Variants in DLG2 observed in about 807,000 individuals in gnomAD.
DLG2 encodes disks large homolog 2.
A neutral mutation model predicts 132.5 loss-of-function variants in DLG2; 45 were observed. That is an observed-to-expected ratio of 0.34 (90% CI 0.27 to 0.44). The LOEUF (loss-of-function observed/expected upper bound fraction) is 0.44, where lower values mean the gene tolerates loss of function less well. DLG2 is among the 20% of genes least tolerant of loss of function. DLG2 has a pLI of 1.00. For synonymous variants in DLG2, 424 were observed against 419.6 expected, an observed-to-expected ratio of 1.01 and a Z score of -0.13; for missense variants, 1,045 against 1,196.9, an observed-to-expected ratio of 0.87 and a Z score of 1.87.
In DLG2 at chr11:84,760,173, C is replaced by T. The variant is rs2067418575; in HGVS notation, c.358-225442G>A. Among the ~76,000 whole-genome samples the T allele has an allele frequency of 5.9e-5, 9 of 152,180 alleles. No individual in the cohort carries two copies. In the South Asian group the frequency reaches 1.9e-3, roughly 32 times the overall value. On this transcript the variant is annotated intron_variant, in intron 6 of 27. Transcript: ENST00000376104. ...TTAGATCAATAGTAGCCAACACAGT[C>T]CACTCATGCTCATATTAAGTTTCAT... is the stretch of plus-strand genomic sequence containing the variant.
At chr11:84,679,193 ATT>A (rs992936323) in intron 6 of DLG2, among the ~76,000 whole-genome samples, 1 of 152,090 alleles carries the variant, frequency 6.6e-6, no homozygotes, top group African/African-American at 2.4e-5. Context: ...TACAAAAAAT[ATT>A]TTGTCTCAGG....
At chr11:85,115,875 T>C (rs1042118888) in intron 5 of DLG2, among the ~76,000 whole-genome samples, 3 of 151,944 alleles carry the variant, frequency 2.0e-5, no homozygotes, top group African/African-American at 7.2e-5. Flanking sequence ...AGTTCAGCCT[T>C]TCCCTTTATC....
At chr11:85,012,481 G>A (rs896242329) in intron 6 of DLG2, among the ~76,000 whole-genome samples, 29 of 151,594 alleles carry the variant, frequency 1.9e-4, no homozygotes, top group Non-Finnish European at 3.1e-4. Context: ...CTGAGATCGC[G>A]CCATTGCACT....
chr11:83,744,105 C>A (rs1395108786), intron 18 of DLG2, among the ~76,000 whole-genome samples: 1 of 152,152 alleles, frequency 6.6e-6, no homozygotes. Context: ...TTTCTACTGT[C>A]AACCAAGCTT....
At chr11:85,288,131 T>C (rs1049425578) in intron 3 of DLG2, among the ~76,000 whole-genome samples, 20 of 152,196 alleles carry the variant, frequency 1.3e-4, no homozygotes, top group Non-Finnish European at 2.8e-4. Flanking sequence ...TGTTATGCTG[T>C]GTATATTATA....
chr11:83,717,186 T>C lies in DLG2; in HGVS notation c.1825+69504A>G, dbSNP rs541212697. Among the ~76,000 whole-genome samples the C allele has an allele frequency of 3.3e-5, 5 of 152,290 alleles. No individual in the cohort carries two copies. In the South Asian group the frequency reaches 1.0e-3, roughly 32 times the overall value. On this transcript the variant is annotated intron_variant, in intron 18 of 27. Transcript: ENST00000376104. Reference sequence around the variant, plus strand: ...AAGTCCTAGATTTTTCCTTTGAAGCTACAGAGAACATGATTTGCACACACT... The same window carrying C: ...AAGTCCTAGATTTTTCCTTTGAAGCCACAGAGAACATGATTTGCACACACT...
intron 12 of DLG2, among the ~76,000 whole-genome samples, chr11:83,966,122 A>G (rs181018283): frequency 6.6e-6 from 1 of 152,074 alleles, no homozygotes; most frequent in East Asian, 1.9e-4. Context: ...TTTCTTTGAT[A>G]CACATTTACC....
chr11:85,034,151 C>T lies in DLG2; in HGVS notation c.357+77510G>A, dbSNP rs1270515151. Among the ~76,000 whole-genome samples the T allele has an allele frequency of 2.0e-5, 3 of 151,120 alleles. 1 individual carries two copies. Among genetic ancestry groups the T allele is most frequent in the Non-Finnish European group, 4.4e-5 (3 of 67,890 alleles). ...AGAGTGCAGTGGCGCAATTTCGGCTCACTGCAAGCTCCACCTCCCAGGTTC... is the reference window on the plus strand; with the variant it reads ...AGAGTGCAGTGGCGCAATTTCGGCTTACTGCAAGCTCCACCTCCCAGGTTC... On this transcript the variant is annotated intron_variant, in intron 6 of 27. Coordinates refer to ENST00000376104, the MANE Select transcript of DLG2 (RefSeq NM_001142699.3).
chr11:83,532,066 G>A (rs2095762516), intron 21 of DLG2, among the ~76,000 whole-genome samples: 1 of 152,066 alleles, frequency 6.6e-6, no homozygotes, highest in Non-Finnish European at 1.5e-5. Flanking sequence ...CTCTAAAATT[G>A]ATTGTGGTGA....
intron 3 of DLG2, among the ~76,000 whole-genome samples, chr11:85,404,062 C>T (rs1475834050): frequency 3.3e-5 from 5 of 151,914 alleles, no homozygotes; most frequent in South Asian, 4.1e-4. Flanking sequence ...TAGAGGGAAA[C>T]TTAACAAGCT....
At chr11:84,278,854 G>C (rs1430088142) in intron 7 of DLG2, among the ~76,000 whole-genome samples, 2 of 151,816 alleles carry the variant, frequency 1.3e-5, no homozygotes, top group Non-Finnish European at 2.9e-5. Flanking sequence ...TGGGGTACAT[G>C]TGCAGAACAT....
chr11:84,411,849 C>G (rs1190987835), intron 7 of DLG2, among the ~76,000 whole-genome samples: 1 of 152,168 alleles, frequency 6.6e-6, no homozygotes. Flanking sequence ...AATGAACAAA[C>G]CATAGACTGA....
At chr11:83,762,513 G>A (rs1029292171) in intron 18 of DLG2, among the ~76,000 whole-genome samples, 4 of 152,136 alleles carry the variant, frequency 2.6e-5, no homozygotes, top group Non-Finnish European at 5.9e-5. Flanking sequence ...TTTGTGCCAT[G>A]AGTTTGGGAA....
intron 18 of DLG2, among the ~76,000 whole-genome samples, chr11:83,775,003 A>G (rs2094529659): frequency 6.6e-6 from 1 of 151,888 alleles, no homozygotes; most frequent in Admixed American, 6.5e-5. Flanking sequence ...CAAGACTCCC[A>G]TATCCCCCAA....
chr11:84,041,030 G>A (rs954677256), intron 11 of DLG2, among the ~76,000 whole-genome samples: 5 of 151,130 alleles, frequency 3.3e-5, no homozygotes, highest in Non-Finnish European at 1.5e-5. Flanking sequence ...TTTGTCTGTT[G>A]TTGGTGTATA....
intron 4 of DLG2, among the ~76,000 whole-genome samples, chr11:85,261,233 C>T (rs2076924589): frequency 6.6e-6 from 1 of 152,118 alleles, no homozygotes; most frequent in Non-Finnish European, 1.5e-5. Flanking sequence ...TAATGTTATG[C>T]TGCTGGGGCT....
intron 6 of DLG2, among the ~76,000 whole-genome samples, chr11:84,607,781 A>G (rs1297855269): frequency 6.6e-6 from 1 of 152,052 alleles, no homozygotes; most frequent in Non-Finnish European, 1.5e-5. Flanking sequence ...CAATCACCCC[A>G]CAGAGTTGAT....
At chr11:84,145,049 C>T (rs1160323626) in intron 9 of DLG2, among the ~76,000 whole-genome samples, 2 of 152,098 alleles carry the variant, frequency 1.3e-5, no homozygotes, top group Admixed American at 6.6e-5. Flanking sequence ...AACTCGTACC[C>T]CTGAGTTAGA....
At chr11:85,607,468 G>T (rs2080656909) in intron 2 of DLG2, among the ~76,000 whole-genome samples, 2 of 152,272 alleles carry the variant, frequency 1.3e-5, no homozygotes, top group South Asian at 2.1e-4. Context: ...TTGCCCCCGG[G>T]TCCTAACGCC....
Sources: allele counts gnomAD v4.1 joint callset (sites outside exome capture counted in the v4.1 genomes callset), GRCh38; gene constraint gnomAD v4.1.1; transcripts MANE v1.5; gene names NCBI Gene and HGNC (gene_info 2026-07-23, HGNC 2026-07-21).